Variants in ACAD11 observed in about 807,000 individuals in gnomAD.
The protein encoded by ACAD11 is acyl-CoA dehydrogenase family member 11.
Under a neutral mutation model 102.2 loss-of-function variants are expected in ACAD11, and 83 were observed. The observed-to-expected ratio is 0.81, with a 90% confidence interval of 0.68 to 0.97. The LOEUF is 0.97. Among genes scored for constraint, ACAD11 ranks in the 50% least tolerant of loss-of-function variants. The probability of loss-of-function intolerance (pLI) is 0.00; values close to 1 mark genes in which losing one functional copy is unlikely to be tolerated. For missense variants in ACAD11, 901 were observed against 951.7 expected (o/e 0.95, Z 0.70); for synonymous variants, 324 against 319.8 (o/e 1.01, Z -0.14).
At chr3:132,643,540 C>T (rs1940601583) in intron 2 of ACAD11, among the ~76,000 whole-genome samples, 1 of 152,166 alleles carries the variant, frequency 6.6e-6, no homozygotes, top group Admixed American at 6.5e-5. Context: ...GCCCCAGACT[C>T]AGGCAATGGT....
At chr3:132,632,259 G>A (rs1322959994) in intron 5 of ACAD11, among the ~76,000 whole-genome samples, 1 of 151,816 alleles carries the variant, frequency 6.6e-6, no homozygotes, top group African/African-American at 2.4e-5. Flanking sequence ...AATTTTTTTT[G>A]TATTTTTACT....
chr3:132,614,978 A>C (rs1171955622), intron 11 of ACAD11, among the ~76,000 whole-genome samples: 1 of 152,214 alleles, frequency 6.6e-6, no homozygotes, highest in Non-Finnish European at 1.5e-5. Flanking sequence ...CAAATTTAGA[A>C]GAAAAAACAA....
At position 132,575,793 on chromosome 3, in the gene ACAD11, G is replaced by A; in HGVS notation, c.1980C>T (p.Phe660=). The change falls in exon 17 of 20, where the codon TTC becomes TTT. Residue 660 remains phenylalanine, a synonymous_variant. Coordinates refer to ENST00000264990, the MANE Select transcript of ACAD11 (RefSeq NM_032169.5). ...TCACATGTGCATACAACTTCTTCTT[G>A]AAAGCTATCCTTTGTGTTGCCCGCT... The part of the protein sequence containing the change: ...MCERATQRIA[F]KKKLYAHEVV... 2 of 1,614,012 alleles carry A rather than the reference G, an allele frequency of 1.2e-6. No homozygotes were observed. The highest frequency in any genetic ancestry group is 3.3e-4 in the Middle Eastern group (2 of 6,060).
intron 1 of ACAD11, 98 bp downstream of exon 1, chr3:132,659,505 T>G (rs1038970306): frequency 3.9e-6 from 6 of 1,542,580 alleles, no homozygotes; most frequent in African/African-American, 1.4e-5. Flanking sequence ...GGAAAAGCAA[T>G]CAGGGTGGGA....
At chr3:132,651,629 A>G (rs1381213934) in intron 1 of ACAD11, among the ~76,000 whole-genome samples, 1 of 152,182 alleles carries the variant, frequency 6.6e-6, no homozygotes, top group Non-Finnish European at 1.5e-5. Flanking sequence ...CCATCCATTG[A>G]TCATACTGCC....
chr3:132,628,500 C>A, intron 7 of ACAD11, 54 bp from the exon 8 acceptor site: 1 of 1,263,730 alleles, frequency 7.9e-7, no homozygotes, highest in South Asian at 1.3e-5. Context: ...CTTCAACAAT[C>A]CAATCAATCT....
chr3:132,587,167 G>T (rs1408534411), intron 13 of ACAD11, among the ~76,000 whole-genome samples: 1 of 152,096 alleles, frequency 6.6e-6, no homozygotes, highest in Non-Finnish European at 1.5e-5. Flanking sequence ...CTTAATTCAG[G>T]TTAAACACAT....
At chr3:132,600,330 CTG>C in intron 13 of ACAD11, 2 of 1,384,674 alleles carry the variant, frequency 1.4e-6, no homozygotes, top group East Asian at 2.5e-5. Flanking sequence ...TTGATAAAAA[CTG>C]TTTCCTTTTA....
At chr3:132,623,191 A>G (rs1233540676) in intron 9 of ACAD11, among the ~76,000 whole-genome samples, 3 of 152,220 alleles carry the variant, frequency 2.0e-5, no homozygotes, top group Non-Finnish European at 2.9e-5. Flanking sequence ...TTTTCTCACT[A>G]TAGAAAATTT....
At chr3:132,613,181 A>C (rs1488646111) in intron 11 of ACAD11, among the ~76,000 whole-genome samples, 6 of 151,034 alleles carry the variant, frequency 4.0e-5, no homozygotes, top group Non-Finnish European at 8.8e-5. Context: ...AACAATGAGA[A>C]CACATGGACA....
chr3:132,571,209 A>G (rs1351329339), intron 17 of ACAD11, among the ~76,000 whole-genome samples: 1 of 152,088 alleles, frequency 6.6e-6, no homozygotes, highest in Non-Finnish European at 1.5e-5. Flanking sequence ...GTTAGATAGT[A>G]TCTCACTGTG....
intron 17 of ACAD11, among the ~76,000 whole-genome samples, chr3:132,568,534 G>C (rs1937277316): frequency 6.6e-6 from 1 of 152,170 alleles, no homozygotes; most frequent in African/African-American, 2.4e-5. Flanking sequence ...AAAGGAACCA[G>C]AATAGCTGAA....
chr3:132,640,192 T>C (rs928826451), intron 4 of ACAD11, among the ~76,000 whole-genome samples: 5 of 151,688 alleles, frequency 3.3e-5, no homozygotes, highest in African/African-American at 1.2e-4. Flanking sequence ...CAGGTTCAAG[T>C]GATTCTCCTG....
At chr3:132,575,742 C>A in intron 17 of ACAD11, 30 bp downstream of exon 17, 2 of 1,612,418 alleles carry the variant, frequency 1.2e-6, no homozygotes, top group African/African-American at 2.7e-5. Context: ...CACCGGGCTA[C>A]AATAAATTCA....
rs1280388781 is a variant in ACAD11 at position 132,559,897 on chromosome 3, C to T, written c.2164G>A (p.Val722Ile). 8.7e-6 allele frequency: 14 copies of T among 1,613,504 alleles called. No individual in the cohort carries two copies. The highest frequency in any genetic ancestry group is 2.7e-5 in the African/African-American group (2 of 74,924). The part of the protein sequence containing the change: ...VAAPRAVSKI[V>I]DWAIQVCGGA... ...CCGCACACCTGGATGGCCCAGTCAA[C>T]GATTTTGCTGACAGCCCGTGGGGCA... The change falls in exon 19 of 20, where the codon GTT becomes ATT. Residue 722 changes from valine (V) to isoleucine (I), a missense_variant. Transcript: ENST00000264990.
rs779936725 is a variant in ACAD11, at chr3:132,659,605, G to A, written c.147C>T (p.Tyr49=). The A allele has an allele frequency of 8.1e-6, 13 of 1,611,294 alleles. No homozygotes were observed. The highest frequency in any genetic ancestry group is 2.2e-5 in the East Asian group (1 of 44,676). The change falls in exon 1 of 20, where the codon TAC becomes TAT. Residue 49 remains tyrosine (Y), a splice_region_variant and synonymous_variant. Coordinates refer to ENST00000264990, the MANE Select transcript of ACAD11 (RefSeq NM_032169.5). ...EREATLTIAQ[Y]RAGKSNPTFY... The stretch of plus-strand genomic sequence containing the variant: ...GAGGCAAAGGCTGACATCCATACCT[G>A]TACTGGGCAATGGTCAGCGTAGCCT...
chr3:132,650,512 A>G (rs976960287), intron 1 of ACAD11: 1 of 152,230 alleles, frequency 6.6e-6, no homozygotes, highest in African/African-American at 2.4e-5. Context: ...TTAAAAAATC[A>G]TACTTGGGCT....
At chr3:132,639,357 G>T in intron 5 of ACAD11, 135 bp downstream of exon 5, 1 of 734,940 alleles carries the variant, frequency 1.4e-6, no homozygotes, top group Non-Finnish European at 2.0e-6. Flanking sequence ...AAAATTTTGA[G>T]TGGTGACGAC....
chr3:132,562,382 C>T (rs1224699052), intron 17 of ACAD11, among the ~76,000 whole-genome samples: 1 of 152,162 alleles, frequency 6.6e-6, no homozygotes, highest in East Asian at 1.9e-4. Context: ...GGATTACAGG[C>T]GTGAGCCATC....
Sources: allele counts gnomAD v4.1 joint callset (sites outside exome capture counted in the v4.1 genomes callset), GRCh38; gene constraint gnomAD v4.1.1; transcripts MANE v1.5; gene names NCBI Gene and HGNC (gene_info 2026-07-23, HGNC 2026-07-21).